The following WWC2 variants were observed in gnomAD, a reference collection of about 807,000 sequenced individuals.
WWC2 encodes the protein protein WWC2.
WWC2 carries 101 observed loss-of-function variants against 138.5 expected under a neutral mutation model. The ratio of observed to expected loss-of-function variants is 0.73; its 90% confidence interval spans 0.62 to 0.86. WWC2 has a LOEUF of 0.86. Among genes scored for constraint, WWC2 ranks in the 40% least tolerant of loss-of-function variants. The pLI is 0.00. For synonymous variants in WWC2, 558 were observed against 538.4 expected (o/e 1.04, Z -0.50); for missense variants, 1,420 against 1,419.4 (o/e 1.00, Z -0.01).
At chr4:183,307,373 G>A (rs1001481074) in intron 21 of WWC2, among the ~76,000 whole-genome samples, 2 of 152,052 alleles carry the variant, frequency 1.3e-5, no homozygotes, top group African/African-American at 4.8e-5. Flanking sequence ...AAACAATTAA[G>A]GAAAAAAACT....
At chr4:183,314,943 G>A (rs1739386404) in intron 22 of WWC2, among the ~76,000 whole-genome samples, 1 of 152,192 alleles carries the variant, frequency 6.6e-6, no homozygotes, top group Admixed American at 6.5e-5. Context: ...CATCTGGACT[G>A]TTCTTTCGCA....
intron 14 of WWC2, among the ~76,000 whole-genome samples, chr4:183,266,943 AATC>A (rs2111371159): frequency 6.6e-6 from 1 of 152,318 alleles, no homozygotes; most frequent in African/African-American, 2.4e-5. Flanking sequence ...ACATTCCAAT[AATC>A]ATCAGAAAGA....
intron 7 of WWC2, 54 bp downstream of exon 7, chr4:183,248,914 T>A (rs545906241): frequency 1.9e-5 from 27 of 1,443,998 alleles, no homozygotes; most frequent in Non-Finnish European, 2.1e-5. Context: ...TGGGCCTTAA[T>A]TGCAATATGG....
rs1430034494 is a variant in WWC2 at position 183,316,722 on chromosome 4, CAAA to C, written c.*994_*996del. On this transcript the variant is annotated 3_prime_UTR_variant, in exon 23 of 23. Transcript: ENST00000403733. ...TTGATAGAATCAAAGTTGCCAAAAA[CAAA>C]GAAGAGTTTATCAAGCAGATTTCTA... 5.3e-5 allele frequency: 8 copies of C among 152,202 alleles called. No individual in the cohort carries two copies. Among genetic ancestry groups the C allele is most frequent in the African/African-American group, 1.7e-4 (7 of 41,528 alleles). 9.4% of individuals were successfully genotyped at this position (152,202 alleles called of 1,614,324 possible).
At chr4:183,213,364 G>T (rs145622030) in intron 4 of WWC2, among the ~76,000 whole-genome samples, 1 of 152,204 alleles carries the variant, frequency 6.6e-6, no homozygotes, top group Non-Finnish European at 1.5e-5. Flanking sequence ...AATTAATGCC[G>T]TAGGAGTAGT....
chr4:183,228,452 A>G lies in WWC2; in HGVS notation c.523-11731A>G, dbSNP rs1449902426. On this transcript the variant is annotated intron_variant, in intron 4 of 22. Coordinates refer to ENST00000403733, the MANE Select transcript of WWC2 (RefSeq NM_024949.6). ...ATGTATACAACATGGAGCCTATGCT[A>G]TATTGGGGTGGGGAAAAATGGGAAG... Among the ~76,000 whole-genome samples, 4 of 152,086 alleles carry G rather than the reference A, an allele frequency of 2.6e-5. No individual in the cohort carries two copies. The East Asian group carries it at 5.8e-4, about 22-fold the overall frequency.
chr4:183,132,478 G>A (rs1732955491), intron 1 of WWC2, among the ~76,000 whole-genome samples: 1 of 150,656 alleles, frequency 6.6e-6, no homozygotes, highest in Non-Finnish European at 1.5e-5. Context: ...TTTTGAGACG[G>A]AGTCTCGCTC....
At chr4:183,153,523 A>G (rs1483016510) in intron 1 of WWC2, among the ~76,000 whole-genome samples, 1 of 152,236 alleles carries the variant, frequency 6.6e-6, no homozygotes, top group East Asian at 1.9e-4. Context: ...TTAAACATTT[A>G]AAATGTGTGC....
At chr4:183,217,587 TA>T (rs138720671) in intron 4 of WWC2, among the ~76,000 whole-genome samples, 3,029 of 151,228 alleles carry the variant, frequency 0.02, 79 homozygotes, top group African/African-American at 0.061. Flanking sequence ...AAAAATATAT[TA>T]AAAAAAACAA....
At chr4:183,138,133 G>A (rs1370750090) in intron 1 of WWC2, among the ~76,000 whole-genome samples, 1 of 152,186 alleles carries the variant, frequency 6.6e-6, no homozygotes, top group Non-Finnish European at 1.5e-5. Context: ...AAATTGGGCT[G>A]TAAAACCTAT....
intron 20 of WWC2, among the ~76,000 whole-genome samples, chr4:183,288,889 A>G (rs1738339952): frequency 6.6e-6 from 1 of 152,218 alleles, no homozygotes; most frequent in Non-Finnish European, 1.5e-5. Context: ...GGTAGGAGTT[A>G]TGTGTCCTGA....
At chr4:183,156,006 T>C (rs2111128755) in intron 1 of WWC2, among the ~76,000 whole-genome samples, 2 of 138,436 alleles carry the variant, frequency 1.4e-5, no homozygotes, top group Middle Eastern at 3.6e-3. Context: ...AATTCCGTTG[T>C]GTTGTTTTTT....
intron 1 of WWC2, among the ~76,000 whole-genome samples, chr4:183,110,683 T>C (rs1304140834): frequency 6.6e-6 from 1 of 152,156 alleles, no homozygotes; most frequent in Non-Finnish European, 1.5e-5. Context: ...AGGTAGGAAA[T>C]TTAATTTTAA....
At chr4:183,292,741 A>G (rs1167686833) in intron 21 of WWC2, among the ~76,000 whole-genome samples, 2 of 152,216 alleles carry the variant, frequency 1.3e-5, no homozygotes, top group Non-Finnish European at 2.9e-5. Context: ...TCCGGACACT[A>G]GAAAAAGAGA....
chr4:183,294,454 G>A (rs2111086268), intron 21 of WWC2, among the ~76,000 whole-genome samples: 1 of 152,362 alleles, frequency 6.6e-6, no homozygotes, highest in South Asian at 2.1e-4. Flanking sequence ...CATGAATACA[G>A]AGCTCTCTAG....
At position 183,245,531 on chromosome 4, in the gene WWC2, C is replaced by A. The variant is rs780079444; in HGVS notation, c.718C>A (p.Gln240Lys). Residue 240 changes from glutamine (Q) to lysine (K), a missense_variant, in exon 6 of 23, where the codon CAA becomes AAA. Gln to Lys is a moderately conservative substitution (Grantham distance 53). Coordinates refer to ENST00000403733, the MANE Select transcript of WWC2 (RefSeq NM_024949.6). The part of the protein sequence containing the change: ...KAISSGEKEK[Q>K]DLMQSLAKLQ... ...AATTAGCTCAGGAGAAAAAGAAAAA[C>A]AAGATCTGATGCAGGTACATTATAA... 1 of 1,592,508 alleles carries A rather than the reference C, an allele frequency of 6.3e-7. No homozygotes were observed. The highest frequency in any genetic ancestry group is 8.5e-7 in the Non-Finnish European group (1 of 1,172,764).
intron 17 of WWC2, among the ~76,000 whole-genome samples, chr4:183,282,378 T>C (rs1233069412): frequency 6.6e-6 from 1 of 152,236 alleles, no homozygotes; most frequent in African/African-American, 2.4e-5. Context: ...ACCAAGTTAT[T>C]TTATAGTGAG....
intron 9 of WWC2, among the ~76,000 whole-genome samples, chr4:183,258,242 TA>T (rs1207933966): frequency 6.6e-6 from 1 of 152,220 alleles, no homozygotes; most frequent in Non-Finnish European, 1.5e-5. Context: ...TACTTCATAT[TA>T]CTTTTTTCCT....
rs145788900 is a variant in WWC2, at chr4:183,107,067, C to T, written c.131+7445C>T. On this transcript the variant is annotated intron_variant, in intron 1 of 22. Transcript: ENST00000403733. Reference sequence around the variant, plus strand: ...ATGAGTGTGCAAATTCCTCCACATCCTCACCAACACTTCTCTCTCTTTCTC... The same window carrying T: ...ATGAGTGTGCAAATTCCTCCACATCTTCACCAACACTTCTCTCTCTTTCTC... 3.9e-3 allele frequency among the ~76,000 whole-genome samples: 589 copies of T among 152,274 alleles called. 3 individuals carry two copies. Among genetic ancestry groups the T allele is most frequent in the African/African-American group, 0.014 (563 of 41,548 alleles).
Sources: gnomAD v4.1 joint callset for allele counts (sites outside exome capture counted in the v4.1 genomes callset) on GRCh38, gnomAD v4.1.1 for gene constraint, MANE v1.5 for transcripts, NCBI Gene and HGNC (gene_info 2026-07-23, HGNC 2026-07-21) for gene names.